Variants in HOGA1 observed in about 807,000 individuals in gnomAD.
HOGA1 encodes the protein 4-hydroxy-2-oxoglutarate aldolase, mitochondrial.
A neutral mutation model predicts 34.3 loss-of-function variants in HOGA1; 30 were observed. The ratio of observed to expected loss-of-function variants is 0.87; its 90% CI spans 0.65 to 1.19. HOGA1 has a LOEUF of 1.19. Among genes scored for constraint, HOGA1 ranks in the 50% most tolerant of loss-of-function variants. The probability of loss-of-function intolerance (pLI) is 0.00; values close to 1 mark genes in which losing one functional copy is unlikely to be tolerated. For missense variants in HOGA1, 417 were observed against 436.5 expected, an observed-to-expected ratio of 0.96 and a Z score of 0.40; for synonymous variants, 161 against 174.0, an observed-to-expected ratio of 0.93 and a Z score of 0.59.
At chr10:97,589,640 C>A (rs373377549) in intron 1 of HOGA1, 5 of 460,600 alleles carry the variant, frequency 1.1e-5, no homozygotes, top group South Asian at 9.1e-5. Flanking sequence ...ACCCCACCCG[C>A]AACTGCCTTC....
At position 97,602,220 on chromosome 10, in the gene HOGA1, G is replaced by A. The variant is rs2275050; in HGVS notation, c.834+230G>A. ...CTTAAGTGTGCATTAAAATTTCCTT[G>A]GGGGCGAATTAAAGTTCCAACTTTT... is the stretch of plus-strand genomic sequence containing the variant. On this transcript the variant is annotated intron_variant, in intron 6 of 6. Transcript: ENST00000370646. 17,114 of 1,522,214 alleles carry A rather than the reference G, an allele frequency of 0.011. 687 individuals are homozygous for A. The African/African-American group carries it at 0.12, about 10-fold the overall frequency. 94.3% of individuals were successfully genotyped at this position (1,522,214 alleles called of 1,614,324 possible).
intron 1 of HOGA1, among the ~76,000 whole-genome samples, chr10:97,595,039 C>T (rs2041058149): frequency 6.6e-6 from 1 of 152,198 alleles, no homozygotes; most frequent in African/African-American, 2.4e-5. Flanking sequence ...TCTGGGGACA[C>T]TCCTTATGTG....
chr10:97,601,443 G>A (rs909077717), intron 5 of HOGA1, among the ~76,000 whole-genome samples: 1 of 152,140 alleles, frequency 6.6e-6, no homozygotes, highest in Non-Finnish European at 1.5e-5. Flanking sequence ...CCACTGGGGG[G>A]AATAAAATTT....
chr10:97,588,971 C>T (rs1366204370), intron 1 of HOGA1, among the ~76,000 whole-genome samples: 1 of 152,118 alleles, frequency 6.6e-6, no homozygotes, highest in Non-Finnish European at 1.5e-5. Flanking sequence ...CTATGGAAAG[C>T]CTGGCCAGCC....
At chr10:97,598,531 C>T (rs564498967) in intron 1 of HOGA1, among the ~76,000 whole-genome samples, 1 of 152,244 alleles carries the variant, frequency 6.6e-6, no homozygotes, top group South Asian at 2.1e-4. Flanking sequence ...CACTTGAGCC[C>T]AGAAGGTCGA....
chr10:97,589,723 A>G (rs990487271), intron 1 of HOGA1: 40 of 619,246 alleles, frequency 6.5e-5, no homozygotes, highest in Non-Finnish European at 1.1e-4. Flanking sequence ...TGCCTGTCAG[A>G]CATCCTTGGG....
At chr10:97,600,543 C>T (rs925960029) in intron 5 of HOGA1, 8 of 344,046 alleles carry the variant, frequency 2.3e-5, no homozygotes, top group East Asian at 7.3e-5. Flanking sequence ...TTTCCTCTCC[C>T]CTGTCCCAGA....
chr10:97,590,133 C>T (rs753260665), intron 1 of HOGA1: 1 of 1,614,156 alleles, frequency 6.2e-7, no homozygotes, highest in Non-Finnish European at 8.5e-7. Flanking sequence ...GAGACCTTCA[C>T]CACGAGGCAC....
chr10:97,597,034 T>C (rs1388072963), intron 1 of HOGA1, among the ~76,000 whole-genome samples: 1 of 152,114 alleles, frequency 6.6e-6, no homozygotes, highest in Non-Finnish European at 1.5e-5. Context: ...TTCTCACAAC[T>C]ATATGGCAGG....
intron 6 of HOGA1, chr10:97,602,299 C>G: frequency 7.6e-7 from 1 of 1,314,384 alleles, no homozygotes; most frequent in Non-Finnish European, 9.9e-7. Context: ...GACAGAGTAA[C>G]CCTAGGACCA....
chr10:97,599,761 G>A lies in HOGA1; in HGVS notation c.550G>A (p.Val184Ile), dbSNP rs577768020. ...GCTGGACCTGCCTGTGGATGCAGTG[G>A]TCACGCTTTCCCAGCACCCGAATAT... ...TGLDLPVDAV[V>I]TLSQHPNIVG... Residue 184 changes from valine to isoleucine, a missense_variant, in exon 4 of 7, where the codon GTC (valine) becomes ATC (isoleucine). Coordinates refer to ENST00000370646, the MANE Select transcript of HOGA1 (RefSeq NM_138413.4). 6 of 1,614,202 alleles carry A rather than the reference G, an allele frequency of 3.7e-6. No individual in the cohort carries two copies. Among genetic ancestry groups the A allele is most frequent in the East Asian group, 2.2e-5 (1 of 44,888 alleles).
At position 97,584,787 on chromosome 10, in the gene HOGA1, G is replaced by A. The variant is rs1347725879; in HGVS notation, c.84G>A (p.Gly28=). ...LSRNVGVWAS[G]EGKKVDIAGI... is the part of the protein sequence containing the mutation. ...GGAATGTGGGGGTCTGGGCCTCAGG[G>A]GAGGGGAAGAAGGTGGACATTGCGG... Residue 28 remains glycine (G), a synonymous_variant, in exon 1 of 7, where the codon GGG becomes GGA. Coordinates refer to ENST00000370646, the MANE Select transcript of HOGA1 (RefSeq NM_138413.4). The A allele has an allele frequency of 6.2e-7, 1 of 1,614,010 alleles. No homozygotes were observed. Among genetic ancestry groups the A allele is most frequent in the East Asian group, 2.2e-5 (1 of 44,876 alleles).
chr10:97,596,364 G>C (rs540178259), intron 1 of HOGA1, among the ~76,000 whole-genome samples: 3 of 152,340 alleles, frequency 2.0e-5, no homozygotes, highest in African/African-American at 7.2e-5. Context: ...GGTGATGGTG[G>C]CTGAATCAGT....
chr10:97,599,876 G>C, intron 4 of HOGA1, 62 bp downstream of exon 4: 1 of 1,609,544 alleles, frequency 6.2e-7, no homozygotes, highest in Admixed American at 1.7e-5. Flanking sequence ...TAGCACTTTT[G>C]CTCCTGAGGG....
intron 1 of HOGA1, among the ~76,000 whole-genome samples, chr10:97,596,609 T>G (rs941148875): frequency 5.3e-5 from 8 of 150,370 alleles, no homozygotes; most frequent in African/African-American, 2.0e-4. Context: ...GCTGCTAGCC[T>G]GACACACAGG....
Position 97,600,175 on chromosome 10 carries a change from A to G in HOGA1, c.700+12A>G. 1 of 1,608,836 alleles carries G rather than the reference A, an allele frequency of 6.2e-7. No individual in the cohort carries two copies. The highest frequency in any genetic ancestry group is 8.5e-7 in the Non-Finnish European group (1 of 1,175,226). ...CAGCTATGCCTTGGGTAGGCCGCCC[A>G]CTGCTCTCAAATTGTCATGGGTGAC... On this transcript the variant is annotated intron_variant, in intron 5 of 6. Transcript: ENST00000370646.
In HOGA1 at chr10:97,599,554, G is replaced by A. The variant is rs148508879; in HGVS notation, c.469-126G>A. Reference sequence around the variant, plus strand: ...TGCTTACACTCGGGGCACGTAGCATGGGAGGGAGGCCTGTCCAGGTGGCCC... The same window carrying A: ...TGCTTACACTCGGGGCACGTAGCATAGGAGGGAGGCCTGTCCAGGTGGCCC... On this transcript the variant is annotated intron_variant, in intron 3 of 6. Transcript: ENST00000370646. The A allele has an allele frequency of 4.4e-3, 5,399 of 1,221,082 alleles. 115 individuals carry two copies. The highest frequency in any genetic ancestry group is 0.043 in the Admixed American group (2,567 of 59,044). The allele number at this position is 1,221,082 out of a possible 1,614,324, so 75.6% of individuals were successfully genotyped here. A position where few individuals can be genotyped will look rare whatever the true frequency, so the allele number is the denominator to read the frequency against.
Position 97,611,520 on chromosome 10 carries a change from G to T in HOGA1, c.845G>T (p.Arg282Leu). Residue 282 changes from arginine to leucine, a missense_variant, in exon 7 of 7, where the codon CGC (arginine) becomes CTC (leucine). Arg to Leu is a moderately radical substitution (Grantham distance 102, BLOSUM62 -2). Coordinates refer to ENST00000370646, the MANE Select transcript of HOGA1 (RefSeq NM_138413.4). ...LIEPNAAVTRRFGIPGLKKIM... is the reference protein window; with the variant it reads ...LIEPNAAVTRLFGIPGLKKIM... Reference sequence around the variant, plus strand: ...GGCCCTGCTTTGCAGGTGACCCGGCGCTTTGGGATCCCAGGGCTGAAGAAA... The same window carrying T: ...GGCCCTGCTTTGCAGGTGACCCGGCTCTTTGGGATCCCAGGGCTGAAGAAA... 1 of 1,614,242 alleles carries T rather than the reference G, an allele frequency of 6.2e-7. No homozygotes were observed.
At chr10:97,601,722 G>A (rs1343645236) in intron 5 of HOGA1, 135 bp from the exon 6 acceptor site, 6 of 984,980 alleles carry the variant, frequency 6.1e-6, no homozygotes, top group Non-Finnish European at 9.6e-6. Flanking sequence ...CACAGAGCAT[G>A]CCTTTGATGT....
Sources: allele counts gnomAD v4.1 joint callset (sites outside exome capture counted in the v4.1 genomes callset), GRCh38; gene constraint gnomAD v4.1.1; transcripts MANE v1.5; gene names NCBI Gene and HGNC (gene_info 2026-07-23, HGNC 2026-07-21).